The following CNTLN variants were observed in gnomAD, a reference collection of about 807,000 sequenced individuals.
CNTLN encodes the protein centlein, centrosomal protein.
In CNTLN, 212 loss-of-function variants were observed where a neutral mutation model predicts 180.0. The ratio of observed to expected loss-of-function variants is 1.18; its 90% CI spans 1.05 to 1.32. The LOEUF (loss-of-function observed/expected upper bound fraction) is 1.32. CNTLN is among the 40% of genes most tolerant of loss of function. The probability of loss-of-function intolerance (pLI) is 0.00; values close to 1 mark genes in which losing one functional copy is unlikely to be tolerated. For synonymous variants in CNTLN, 722 were observed against 563.1 expected (o/e 1.28, Z -3.99); for missense variants, 2,095 against 1,610.9 (o/e 1.30, Z -5.14).
At chr9:17,192,777 C>T (rs1490679101) in intron 2 of CNTLN, among the ~76,000 whole-genome samples, 5 of 152,172 alleles carry the variant, frequency 3.3e-5, no homozygotes, top group African/African-American at 1.2e-4. Context: ...ATGCAATTTA[C>T]ATTTATTTTA....
At chr9:17,347,852 GAC>G (rs1822036164) in intron 12 of CNTLN, among the ~76,000 whole-genome samples, 1 of 151,860 alleles carries the variant, frequency 6.6e-6, no homozygotes, top group Non-Finnish European at 1.5e-5. Context: ...TATTTTTTGA[GAC>G]AGAGTCTCGC....
At position 17,237,883 on chromosome 9, in the gene CNTLN, A is replaced by G. The variant is rs114710943; in HGVS notation, c.849+1295A>G. Among the ~76,000 whole-genome samples, 789 of 152,224 alleles carry G rather than the reference A, an allele frequency of 5.2e-3. 5 individuals carry two copies. Among genetic ancestry groups the G allele is most frequent in the African/African-American group, 0.018 (757 of 41,536 alleles). ...TTAGTGCACAATCATGGGGTGACTG[A>G]GCCATTGAGAGAACTGAATTCTGGT... On this transcript the variant is annotated intron_variant, in intron 5 of 25. Transcript: ENST00000380647.
intron 21 of CNTLN, among the ~76,000 whole-genome samples, chr9:17,464,960 T>C (rs1008571629): frequency 2.6e-5 from 4 of 151,334 alleles, no homozygotes; most frequent in Non-Finnish European, 5.9e-5. Context: ...TTATATTTCT[T>C]AGTGAAAACT....
At chr9:17,435,057 T>A (rs987051336) in intron 18 of CNTLN, among the ~76,000 whole-genome samples, 1 of 152,216 alleles carries the variant, frequency 6.6e-6, no homozygotes. Context: ...AACAAGTTAT[T>A]AAGAATGTAT....
In CNTLN at chr9:17,416,166, C is replaced by T. The variant is rs1828229620; in HGVS notation, c.3091C>T (p.Gln1031Ter). 3 of 1,613,106 alleles carry T rather than the reference C, an allele frequency of 1.9e-6. No homozygotes were observed. The highest frequency in any genetic ancestry group is 2.5e-6 in the Non-Finnish European group (3 of 1,179,556). ...ACAGCAAGTATCCGATCAACGATTT[C>T]AGACAAGCAGGCAGACAATAAAGGT... ...HQQQVSDQRF[Q>*]TSRQTIKKLN... The change falls in exon 18 of 26, where the codon CAG (glutamine) becomes TAG (stop). Residue 1031 changes from glutamine (Q) to a stop codon, truncating the protein, a stop_gained. Coordinates refer to ENST00000380647, the MANE Select transcript of CNTLN (RefSeq NM_017738.4). LOFTEE classifies it high-confidence loss of function.
At chr9:17,379,721 A>G (rs1825070890) in intron 13 of CNTLN, among the ~76,000 whole-genome samples, 1 of 152,162 alleles carries the variant, frequency 6.6e-6, no homozygotes, top group African/African-American at 2.4e-5. Context: ...ATTAAATCCC[A>G]AAACTTTTTC....
the CNTLN span, among the ~76,000 whole-genome samples, chr9:17,509,323 G>C: frequency 2.0e-5 from 3 of 152,212 alleles, no homozygotes; most frequent in African/African-American, 7.2e-5. Context: ...CATGGAAGGG[G>C]CCAGGTTTTG....
chr9:17,269,291 T>G (rs911836236), intron 5 of CNTLN, among the ~76,000 whole-genome samples: 1 of 152,170 alleles, frequency 6.6e-6, no homozygotes, highest in African/African-American at 2.4e-5. Flanking sequence ...TTATTTCCTT[T>G]CTTCTGCTAA....
chr9:17,208,529 T>G (rs1823076657), intron 2 of CNTLN, among the ~76,000 whole-genome samples: 2 of 152,220 alleles, frequency 1.3e-5, no homozygotes, highest in African/African-American at 2.4e-5. Flanking sequence ...CCAACTACTT[T>G]AAATATGATT....
At chr9:17,302,699 CTT>C (rs1818458258) in intron 7 of CNTLN, among the ~76,000 whole-genome samples, 3 of 152,074 alleles carry the variant, frequency 2.0e-5, no homozygotes, top group Non-Finnish European at 4.4e-5. Context: ...TATTTTAAAA[CTT>C]TATGGCGATG....
the CNTLN span, among the ~76,000 whole-genome samples, chr9:17,512,291 T>C: frequency 6.6e-6 from 1 of 152,210 alleles, no homozygotes; most frequent in Non-Finnish European, 1.5e-5. Context: ...ATCAGTAGCC[T>C]TAGGAGGCCT....
At chr9:17,525,753 A>G in the CNTLN span, among the ~76,000 whole-genome samples, 2 of 152,220 alleles carry the variant, frequency 1.3e-5, no homozygotes, top group South Asian at 4.1e-4. Flanking sequence ...TTAAGGTCAT[A>G]GAGAAATGAC....
At chr9:17,341,584 T>C (rs1449755110) in intron 11 of CNTLN, among the ~76,000 whole-genome samples, 3 of 152,186 alleles carry the variant, frequency 2.0e-5, no homozygotes, top group Non-Finnish European at 2.9e-5. Flanking sequence ...ATCTACTACC[T>C]TCTCATCTTT....
chr9:17,242,542 C>G (rs1475148421), intron 5 of CNTLN, among the ~76,000 whole-genome samples: 2 of 152,152 alleles, frequency 1.3e-5, no homozygotes, highest in Non-Finnish European at 2.9e-5. Context: ...AACTCCTGAC[C>G]TCAGGTGATC....
chr9:17,215,990 T>G (rs368004505), intron 2 of CNTLN, among the ~76,000 whole-genome samples: 13 of 152,098 alleles, frequency 8.5e-5, no homozygotes, highest in African/African-American at 2.7e-4. Flanking sequence ...CCCTGACCCC[T>G]TACACTTCCC....
At chr9:17,247,099 G>C (rs557783916) in intron 5 of CNTLN, among the ~76,000 whole-genome samples, 2 of 152,260 alleles carry the variant, frequency 1.3e-5, no homozygotes, top group East Asian at 3.9e-4. Flanking sequence ...TTGCTTAGAT[G>C]ATGGGTGATA....
At chr9:17,266,438 G>T (rs1266818721) in intron 5 of CNTLN, among the ~76,000 whole-genome samples, 1 of 152,106 alleles carries the variant, frequency 6.6e-6, no homozygotes, top group Non-Finnish European at 1.5e-5. Context: ...TACATTTGCT[G>T]AGGAGAGCTT....
intron 14 of CNTLN, among the ~76,000 whole-genome samples, chr9:17,389,142 A>G (rs541030053): frequency 5.9e-5 from 9 of 152,212 alleles, no homozygotes; most frequent in African/African-American, 2.2e-4. Context: ...GATTTACAGC[A>G]GATAATGTGA....
chr9:17,375,672 G>C (rs1443453691), intron 13 of CNTLN, among the ~76,000 whole-genome samples: 1 of 152,048 alleles, frequency 6.6e-6, no homozygotes, highest in African/African-American at 2.4e-5. Flanking sequence ...TTTTGGTTAG[G>C]CATTACATTT....
Sources: gnomAD v4.1 joint callset for allele counts (sites outside exome capture counted in the v4.1 genomes callset) on GRCh38, gnomAD v4.1.1 for gene constraint, MANE v1.5 for transcripts, NCBI Gene and HGNC (gene_info 2026-07-23, HGNC 2026-07-21) for gene names.